Variants in LRRC63 observed in about 807,000 individuals in gnomAD.
LRRC63 encodes the protein leucine-rich repeat-containing protein 63.
In LRRC63, 40 loss-of-function variants were observed where a neutral mutation model predicts 49.5. The observed-to-expected ratio is 0.81, with a 90% CI of 0.63 to 1.05. The LOEUF (loss-of-function observed/expected upper bound fraction) is 1.05, where lower values mean the gene tolerates loss of function less well. Among genes scored for constraint, LRRC63 ranks in the 50% least tolerant of loss-of-function variants. LRRC63 has a pLI of 0.00. For missense variants in LRRC63, 636 were observed against 663.1 expected (o/e 0.96, Z 0.45); for synonymous variants, 191 against 221.1 (o/e 0.86, Z 1.21).
At chr13:46,270,626 C>A in intron 9 of LRRC63, 2 of 835,980 alleles carry the variant, frequency 2.4e-6, no homozygotes, top group Non-Finnish European at 4.1e-6. Flanking sequence ...GTCATGAGGA[C>A]TGACATGGAG....
At position 46,228,994 on chromosome 13, in the gene LRRC63, T is replaced by C. The variant is rs557222801; in HGVS notation, c.832+261T>C. On this transcript the variant is annotated intron_variant, in intron 4 of 9. Transcript: ENST00000595396. ...TGGGGTGGACAGGCATACAGAAATATGAATTAACTATTTGCCATGTGCCAG... is the reference window on the plus strand; with the variant it reads ...TGGGGTGGACAGGCATACAGAAATACGAATTAACTATTTGCCATGTGCCAG... Among the ~76,000 whole-genome samples, 4 of 152,132 alleles carry C rather than the reference T, an allele frequency of 2.6e-5. No homozygotes were observed. In the South Asian group the frequency reaches 8.3e-4, roughly 32 times the overall value.
At chr13:46,234,201 A>G (rs12865423) in exon 5 of LRRC63, 1 of 1,549,334 alleles carries the variant, frequency 6.5e-7, no homozygotes, top group Non-Finnish European at 8.7e-7. Context: ...GGTCTCACCA[A>G]AACTGAAAAA....
intron 9 of LRRC63, chr13:46,270,432 C>T (rs1464610529): frequency 3.8e-6 from 3 of 794,148 alleles, no homozygotes; most frequent in Non-Finnish European, 6.9e-6. Flanking sequence ...AGAGGATGTT[C>T]GATGGAAGTG....
intron 5 of LRRC63, among the ~76,000 whole-genome samples, chr13:46,234,819 T>C (rs1364697135): frequency 6.6e-6 from 1 of 152,174 alleles, no homozygotes; most frequent in Non-Finnish European, 1.5e-5. Flanking sequence ...ACACTGAGCC[T>C]TAATGAAAGT....
chr13:46,271,966 A>G lies in LRRC63; in HGVS notation c.1551-4624A>G, dbSNP rs117803504. 3.3e-3 allele frequency among the ~76,000 whole-genome samples: 500 copies of G among 152,220 alleles called. 1 individual carries two copies. Among genetic ancestry groups the G allele is most frequent in the Middle Eastern group, 6.8e-3 (2 of 294 alleles). On this transcript the variant is annotated intron_variant, in intron 9 of 9. Coordinates refer to ENST00000595396, the Ensembl canonical transcript of LRRC63. ...ACTAATAACTAATAAAATAATAATA[A>G]CTAATAATAAAATGAGATAATTATA... is the stretch of plus-strand genomic sequence containing the variant.
At chr13:46,228,592 T>C (rs549768155) in intron 3 of LRRC63, 73 bp from the exon 4 acceptor site, 54 of 849,352 alleles carry the variant, frequency 6.4e-5, no homozygotes, top group Admixed American at 2.3e-4. Context: ...AACAATTATA[T>C]TGAAGTCATA....
chr13:46,220,492 T>C (rs960371395), intron 2 of LRRC63, among the ~76,000 whole-genome samples: 10 of 152,218 alleles, frequency 6.6e-5, no homozygotes, highest in African/African-American at 2.4e-4. Context: ...TTCAGACTGC[T>C]GTGCTGGCAG....
chr13:46,224,060 A>G (rs2046496855), intron 2 of LRRC63, among the ~76,000 whole-genome samples: 1 of 152,112 alleles, frequency 6.6e-6, no homozygotes, highest in African/African-American at 2.4e-5. Context: ...TTGCCTAGGG[A>G]TTATTGAAGC....
intron 4 of LRRC63, among the ~76,000 whole-genome samples, chr13:46,232,121 A>G (rs1472345974): frequency 6.6e-6 from 1 of 152,082 alleles, no homozygotes; most frequent in Non-Finnish European, 1.5e-5. Context: ...GGCCTGCCAC[A>G]CACTTTTAAA....
At chr13:46,244,243 T>C (rs2047149706) in intron 5 of LRRC63, among the ~76,000 whole-genome samples, 1 of 152,130 alleles carries the variant, frequency 6.6e-6, no homozygotes, top group Non-Finnish European at 1.5e-5. Flanking sequence ...AATGTATATA[T>C]CTATTGTAAG....
intron 4 of LRRC63, 36 bp downstream of exon 4, chr13:46,228,769 G>C: frequency 7.4e-7 from 1 of 1,360,148 alleles, no homozygotes; most frequent in Non-Finnish European, 1.0e-6. Flanking sequence ...TTTAGAAAAT[G>C]TATGTAAGAT....
chr13:46,276,854 A>ATATATATATGTATATATATATATT (rs1555330634), exon 10 of LRRC63: 1 of 118,780 alleles, frequency 8.4e-6, no homozygotes. Flanking sequence ...ATATATATTT[A>ATATATATATGTATATATATATATT]TATATATATA....
At chr13:46,264,802 T>C (rs1053952150) in intron 8 of LRRC63, among the ~76,000 whole-genome samples, 4 of 152,248 alleles carry the variant, frequency 2.6e-5, no homozygotes, top group African/African-American at 9.6e-5. Flanking sequence ...AGGAAGCTTC[T>C]CTGCACCTCA....
chr13:46,248,091 A>G (rs1004517307), intron 6 of LRRC63, among the ~76,000 whole-genome samples: 3 of 151,992 alleles, frequency 2.0e-5, no homozygotes, highest in African/African-American at 7.2e-5. Flanking sequence ...GTATATTATA[A>G]CCTCTAAACA....
chr13:46,246,379 A>T, intron 5 of LRRC63, 148 bp from the exon 6 acceptor site: 1 of 401,780 alleles, frequency 2.5e-6, no homozygotes, highest in Non-Finnish European at 4.4e-6. Context: ...AGACTAAAAA[A>T]AAATGAATGG....
chr13:46,234,206 GA>G lies in LRRC63; in HGVS notation c.853del (p.Ile285Ter). The G allele has an allele frequency of 2.6e-6, 4 of 1,549,124 alleles. No individual in the cohort carries two copies. Among genetic ancestry groups the G allele is most frequent in the Admixed American group, 2.0e-5 (1 of 50,860 alleles). ...TGTTTATTTAGGTCTCACCAAAACT[GA>G]AAAAATAGAATCAGAGATACACGTT... On this transcript the variant is annotated frameshift_variant, in exon 5 of 10. Coordinates refer to ENST00000595396, the Ensembl canonical transcript of LRRC63. LOFTEE classifies it high-confidence loss of function.
intron 5 of LRRC63, 93 bp downstream of exon 5, chr13:46,234,442 A>C: frequency 5.7e-6 from 7 of 1,224,540 alleles, no homozygotes; most frequent in Non-Finnish European, 7.8e-6. Context: ...CATGGTATTG[A>C]GGGGAATTTT....
chr13:46,242,401 C>T (rs1664714503), intron 5 of LRRC63, among the ~76,000 whole-genome samples: 1 of 152,034 alleles, frequency 6.6e-6, no homozygotes. Flanking sequence ...ATAATCTGTA[C>T]AAGAAACCCC....
At chr13:46,221,404 T>C (rs2046403856) in intron 2 of LRRC63, among the ~76,000 whole-genome samples, 1 of 151,898 alleles carries the variant, frequency 6.6e-6, no homozygotes, top group South Asian at 2.1e-4. Context: ...CACAAAAAGG[T>C]GAGGTAAAGT....
Sources: allele counts gnomAD v4.1 joint callset (sites outside exome capture counted in the v4.1 genomes callset), GRCh38; gene constraint gnomAD v4.1.1; transcripts MANE v1.5; gene names NCBI Gene and HGNC (gene_info 2026-07-23, HGNC 2026-07-21).